The following MARCHF4 variants were observed in gnomAD, a reference collection of about 807,000 sequenced individuals.
MARCHF4 encodes membrane associated ring-CH-type finger 4.
A neutral mutation model predicts 43.9 loss-of-function variants in MARCHF4; 14 were observed. That is an observed-to-expected ratio of 0.32 (90% CI 0.21 to 0.50). MARCHF4 has a LOEUF of 0.50. MARCHF4 is among the 20% of genes least tolerant of loss of function. The pLI is 0.98. For missense variants in MARCHF4, 468 were observed against 536.7 expected (o/e 0.87, Z 1.27); for synonymous variants, 226 against 213.3 (o/e 1.06, Z -0.52).
intron 3 of MARCHF4, among the ~76,000 whole-genome samples, chr2:216,270,531 C>T (rs1690919956): frequency 6.6e-6 from 1 of 151,982 alleles, no homozygotes; most frequent in African/African-American, 2.4e-5. Flanking sequence ...TCTACCCTGA[C>T]AAAAAAACCT....
At chr2:216,299,983 T>C (rs1691460693) in intron 1 of MARCHF4, among the ~76,000 whole-genome samples, 1 of 152,188 alleles carries the variant, frequency 6.6e-6, no homozygotes, top group Admixed American at 6.5e-5. Flanking sequence ...TTGCATCAAG[T>C]TTGCTAATGT....
At chr2:216,326,032 A>C (rs1243627894) in intron 1 of MARCHF4, among the ~76,000 whole-genome samples, 3 of 143,330 alleles carry the variant, frequency 2.1e-5, no homozygotes, top group Non-Finnish European at 4.6e-5. Flanking sequence ...CAACCTACAA[A>C]ATGGGAGAAA....
Position 216,259,433 on chromosome 2 carries a change from G to T in MARCHF4, c.1112C>A (p.Pro371His). ...ATAAGCACAGTGGTGATGGGACAGA[G>T]GGCCTGAGGGGTGGCCGGCAGCCTG... Reference protein sequence around the residue: ...PAQAAGHPSGPLSHHHCAYTI... With the variant: ...PAQAAGHPSGHLSHHHCAYTI... The change falls in exon 4 of 4, where the codon CCT becomes CAT. Residue 371 changes from proline to histidine, a missense_variant. Physicochemically the swap from Pro to His is moderately conservative, Grantham distance 77. Around this residue, in one of 3 missense-constraint regions of MARCHF4, gnomAD observed 120 missense variants for 127.1 expected, o/e 0.94. Transcript: ENST00000273067. 6.2e-7 allele frequency: 1 copy of T among 1,614,102 alleles called. No homozygotes were observed. The highest frequency in any genetic ancestry group is 8.5e-7 in the Non-Finnish European group (1 of 1,179,984).
At chr2:216,359,435 C>T (rs1692545613) in intron 1 of MARCHF4, among the ~76,000 whole-genome samples, 1 of 152,108 alleles carries the variant, frequency 6.6e-6, no homozygotes, top group Non-Finnish European at 1.5e-5. Flanking sequence ...AGCTTTTTAC[C>T]TCTTCTTCAT....
intron 1 of MARCHF4, among the ~76,000 whole-genome samples, chr2:216,368,285 A>G (rs1692698175): frequency 6.6e-6 from 1 of 152,250 alleles, no homozygotes; most frequent in Non-Finnish European, 1.5e-5. Context: ...ACTCTACCCC[A>G]TAGCTCTGCC....
intron 3 of MARCHF4, 112 bp from the exon 4 acceptor site, chr2:216,259,791 T>G: frequency 9.2e-7 from 1 of 1,085,798 alleles, no homozygotes; most frequent in Non-Finnish European, 1.3e-6. Context: ...GCTCCAGTGC[T>G]GAGCCATGGG....
At chr2:216,271,274 A>G (rs980051593) in intron 3 of MARCHF4, among the ~76,000 whole-genome samples, 3 of 152,088 alleles carry the variant, frequency 2.0e-5, no homozygotes, top group African/African-American at 7.2e-5. Context: ...TGGCTCACTC[A>G]TGTCTCTGCA....
At chr2:216,337,997 GCAAAGTGGTCTAAGAT>G (rs982849837) in intron 1 of MARCHF4, among the ~76,000 whole-genome samples, 8 of 152,310 alleles carry the variant, frequency 5.3e-5, no homozygotes, top group Admixed American at 3.9e-4. Flanking sequence ...AAAAGTATGA[GCAAAGTGGTCTAAGAT>G]CACAGAGGTC....
chr2:216,280,359 G>A (rs900353331), intron 2 of MARCHF4, among the ~76,000 whole-genome samples: 5 of 152,048 alleles, frequency 3.3e-5, no homozygotes, highest in Non-Finnish European at 7.4e-5. Context: ...ACTGAATGCT[G>A]TGTGCCTTAG....
intron 1 of MARCHF4, chr2:216,303,250 A>G (rs1297691912): frequency 6.6e-6 from 1 of 152,258 alleles, no homozygotes; most frequent in Non-Finnish European, 1.5e-5. Flanking sequence ...TGTCCTTAAA[A>G]GGCAGAACAG....
At chr2:216,362,816 A>G (rs1265826432) in intron 1 of MARCHF4, among the ~76,000 whole-genome samples, 1 of 152,180 alleles carries the variant, frequency 6.6e-6, no homozygotes, top group Non-Finnish European at 1.5e-5. Flanking sequence ...GGAGGTATCA[A>G]ATGTGTACTA....
rs1690687942 is a variant in MARCHF4 at position 216,258,509 on chromosome 2, T to TGTGTGG, written c.*802_*803insCCACAC. 1 of 104,010 alleles carries TGTGTGG rather than the reference T, an allele frequency of 9.6e-6. No individual in the cohort carries two copies. Among genetic ancestry groups the TGTGTGG allele is most frequent in the Non-Finnish European group, 1.9e-5 (1 of 53,270 alleles). The allele number at this position is 104,010 out of a possible 1,614,324, so 6.4% of individuals were successfully genotyped here. A position where few individuals can be genotyped will look rare whatever the true frequency, so the allele number is the denominator to read the frequency against. On this transcript the variant is annotated 3_prime_UTR_variant, in exon 4 of 4. Coordinates refer to ENST00000273067, the MANE Select transcript of MARCHF4 (RefSeq NM_020814.3). ...GGAAATCTGTACTTTTCTCTAGGGGTGTGTGTGTGTGTGTGTGTGTGTGTG... is the reference window on the plus strand; with the variant it reads ...GGAAATCTGTACTTTTCTCTAGGGGTGTGTGGGTGTGTGTGTGTGTGTGTGTGTGTG...
chr2:216,320,626 TCTTTC>T (rs1691867352), intron 1 of MARCHF4, among the ~76,000 whole-genome samples: 1 of 92,948 alleles, frequency 1.1e-5, no homozygotes, highest in Non-Finnish European at 2.2e-5. Context: ...TTTCTTTCTT[TCTTTC>T]TTTCTTTCTT....
intron 1 of MARCHF4, among the ~76,000 whole-genome samples, chr2:216,364,871 A>G (rs895410047): frequency 5.9e-5 from 9 of 152,256 alleles, no homozygotes; most frequent in African/African-American, 2.2e-4. Context: ...CCTGTCTTCC[A>G]GGTTGCTTTG....
chr2:216,285,211 A>G (rs910744227), intron 1 of MARCHF4, among the ~76,000 whole-genome samples: 2 of 152,162 alleles, frequency 1.3e-5, no homozygotes, highest in Non-Finnish European at 2.9e-5. Flanking sequence ...GAGAATGCCC[A>G]CTCCGTGAGA....
At chr2:216,322,103 G>A (rs1448018938) in intron 1 of MARCHF4, among the ~76,000 whole-genome samples, 2 of 152,208 alleles carry the variant, frequency 1.3e-5, no homozygotes, top group African/African-American at 4.8e-5. Context: ...GGATGTGTGT[G>A]TGTGTGTGTC....
chr2:216,324,671 C>G (rs1270921121), intron 1 of MARCHF4, among the ~76,000 whole-genome samples: 3 of 147,084 alleles, frequency 2.0e-5, no homozygotes, highest in Admixed American at 6.8e-5. Flanking sequence ...ATATGCAAAT[C>G]AATAAATGTA....
At chr2:216,305,427 GT>G (rs1313519941) in intron 1 of MARCHF4, among the ~76,000 whole-genome samples, 12 of 152,218 alleles carry the variant, frequency 7.9e-5, no homozygotes, top group Non-Finnish European at 1.5e-4. Flanking sequence ...TCCCACCTCT[GT>G]CTTCTGGGAT....
At chr2:216,261,924 G>C (rs1690748612) in intron 3 of MARCHF4, among the ~76,000 whole-genome samples, 1 of 152,298 alleles carries the variant, frequency 6.6e-6, no homozygotes, top group Non-Finnish European at 1.5e-5. Flanking sequence ...CAAAAGCCTA[G>C]GGAAGGATTC....
Sources: gnomAD v4.1 joint callset for allele counts (sites outside exome capture counted in the v4.1 genomes callset) on GRCh38, gnomAD v4.1.1 for gene constraint, gnomAD v4.1.1 regional missense constraint, MANE v1.5 for transcripts, NCBI Gene and HGNC (gene_info 2026-07-23, HGNC 2026-07-21) for gene names.